Variants in CATSPERE observed in about 807,000 individuals in gnomAD.
CATSPERE encodes cation channel sperm-associated auxiliary subunit epsilon.
CATSPERE carries 93 observed loss-of-function variants against 114.1 expected under a neutral mutation model. The observed-to-expected ratio is 0.81, with a 90% confidence interval of 0.69 to 0.97. CATSPERE has a LOEUF of 0.97. Among genes scored for constraint, CATSPERE ranks in the 50% least tolerant of loss-of-function variants. CATSPERE has a pLI of 0.00. For missense variants in CATSPERE, 1,058 were observed against 1,131.6 expected, an observed-to-expected ratio of 0.93 and a Z score of 0.93; for synonymous variants, 341 against 384.1, an observed-to-expected ratio of 0.89 and a Z score of 1.31.
Position 244,625,430 on chromosome 1 carries a change from A to ATTTTTTTTTTTTTTTTTTTT in CATSPERE, c.2648+7745_2648+7746insTTTTTTTTTTTTTTTTTTTT, listed in dbSNP as rs1476267922. Among the ~76,000 whole-genome samples, 26 of 4,338 alleles carry ATTTTTTTTTTTTTTTTTTTT rather than the reference A, an allele frequency of 6.0e-3. 3 individuals carry two copies. Among genetic ancestry groups the ATTTTTTTTTTTTTTTTTTTT allele is most frequent in the Admixed American group, 0.012 (2 of 170 alleles). The allele number at this position is 4,338 out of a possible 152,430, so 2.8% of individuals were successfully genotyped here. ...TTTATATATATATATATATATATAT[A>ATTTTTTTTTTTTTTTTTTTT]TATTTTTTTTTTTTTTTGAGATGGA... is the stretch of plus-strand genomic sequence containing the variant. On this transcript the variant is annotated intron_variant, in intron 20 of 21. Transcript: ENST00000366534.
At chr1:244,622,172 T>C (rs1672478739) in intron 20 of CATSPERE, among the ~76,000 whole-genome samples, 1 of 152,128 alleles carries the variant, frequency 6.6e-6, no homozygotes, top group African/African-American at 2.4e-5. Flanking sequence ...ACCGTAAGGT[T>C]TTATGTAATA....
chr1:244,483,927 TTA>T (rs1008547210), intron 5 of CATSPERE, among the ~76,000 whole-genome samples: 1 of 152,164 alleles, frequency 6.6e-6, no homozygotes, highest in Non-Finnish European at 1.5e-5. Flanking sequence ...TCTAAAAGTT[TTA>T]TATGTTTTTT....
intron 13 of CATSPERE, among the ~76,000 whole-genome samples, chr1:244,585,695 G>GC (rs1239014255): frequency 2.6e-5 from 4 of 152,218 alleles, no homozygotes; most frequent in African/African-American, 9.6e-5. Context: ...GTGAAGTTAG[G>GC]CCCTTGCTAA....
Position 244,610,383 on chromosome 1 carries a change from G to A in CATSPERE, c.2490+57G>A, listed in dbSNP as rs760519943. On this transcript the variant is annotated intron_variant, in intron 19 of 21. Coordinates refer to ENST00000366534, the MANE Select transcript of CATSPERE (RefSeq NM_001130957.2). The stretch of plus-strand genomic sequence containing the variant: ...TTTGGAATAACTAATCTGGCATTTT[G>A]CTATTAACAAAAACTTGATGGAAAC... The A allele has an allele frequency of 3.2e-5, 41 of 1,296,940 alleles. No individual in the cohort carries two copies. In the Admixed American group the frequency reaches 7.0e-4, roughly 22 times the overall value. 80.3% of individuals were successfully genotyped at this position (1,296,940 alleles called of 1,614,324 possible).
intron 19 of CATSPERE, among the ~76,000 whole-genome samples, chr1:244,613,289 T>A (rs1450370075): frequency 6.6e-6 from 1 of 152,148 alleles, no homozygotes; most frequent in African/African-American, 2.4e-5. Flanking sequence ...CAAGTGGGGA[T>A]ACATCAAAAA....
intron 6 of CATSPERE, among the ~76,000 whole-genome samples, chr1:244,498,300 T>G (rs1673439155): frequency 6.6e-6 from 1 of 152,146 alleles, no homozygotes; most frequent in African/African-American, 2.4e-5. Context: ...AAATAATATA[T>G]CTATTGGTTA....
At chr1:244,554,434 G>T (rs999327274) in intron 9 of CATSPERE, among the ~76,000 whole-genome samples, 2 of 152,198 alleles carry the variant, frequency 1.3e-5, no homozygotes, top group Non-Finnish European at 2.9e-5. Flanking sequence ...GGAGGCCAAG[G>T]TGGGATGATT....
At chr1:244,576,089 C>T (rs925938019) in intron 11 of CATSPERE, among the ~76,000 whole-genome samples, 2 of 152,088 alleles carry the variant, frequency 1.3e-5, no homozygotes, top group African/African-American at 2.4e-5. Flanking sequence ...TTACCGGCTC[C>T]TCCAGTGTTT....
chr1:244,519,025 T>C (rs1039650445), intron 8 of CATSPERE, among the ~76,000 whole-genome samples: 4 of 149,898 alleles, frequency 2.7e-5, no homozygotes, highest in Non-Finnish European at 5.9e-5. Context: ...TACACACACA[T>C]ACACACACAC....
chr1:244,621,063 TATATATAAA>T (rs1672089761), intron 20 of CATSPERE, among the ~76,000 whole-genome samples: 1 of 53,984 alleles, frequency 1.9e-5, no homozygotes, highest in African/African-American at 7.7e-5. Flanking sequence ...TATATATAAA[TATATATAAA>T]ATATATATAT....
chr1:244,468,452 G>A (rs1437914947), intron 2 of CATSPERE, among the ~76,000 whole-genome samples: 1 of 151,954 alleles, frequency 6.6e-6, no homozygotes, highest in Non-Finnish European at 1.5e-5. Context: ...TTTTTATGTA[G>A]GTGGCAGAAA....
At chr1:244,601,958 G>T (rs1669301477) in intron 17 of CATSPERE, among the ~76,000 whole-genome samples, 2 of 151,354 alleles carry the variant, frequency 1.3e-5, no homozygotes, top group East Asian at 3.9e-4. Flanking sequence ...AAGGAAGGAA[G>T]GAGAGAGAAG....
At chr1:244,520,754 A>G (rs1677404594) in intron 8 of CATSPERE, among the ~76,000 whole-genome samples, 1 of 152,190 alleles carries the variant, frequency 6.6e-6, no homozygotes, top group Non-Finnish European at 1.5e-5. Flanking sequence ...GCCAAGCAGC[A>G]TTGTTCTGTG....
chr1:244,612,740 C>G (rs1251136669), intron 19 of CATSPERE, among the ~76,000 whole-genome samples: 1 of 152,148 alleles, frequency 6.6e-6, no homozygotes, highest in Admixed American at 6.6e-5. Context: ...CAGCTCACTG[C>G]AACCTCTGCC....
intron 10 of CATSPERE, among the ~76,000 whole-genome samples, chr1:244,565,108 G>A (rs1045062125): frequency 2.6e-5 from 4 of 152,110 alleles, no homozygotes; most frequent in Admixed American, 1.3e-4. Flanking sequence ...CGACTTGATC[G>A]TAGTGGATAA....
intron 1 of CATSPERE, among the ~76,000 whole-genome samples, chr1:244,463,000 T>G (rs1224266108): frequency 1.3e-5 from 2 of 152,206 alleles, no homozygotes; most frequent in Admixed American, 1.3e-4. Flanking sequence ...ACCAGCTACA[T>G]GTGCCTTTTG....
chr1:244,575,906 C>T lies in CATSPERE; in HGVS notation c.1950+3134C>T, dbSNP rs1468747586. Among the ~76,000 whole-genome samples the T allele has an allele frequency of 6.6e-6, 1 of 152,062 alleles. No homozygotes were observed. The highest frequency in any genetic ancestry group is 1.5e-5 in the Non-Finnish European group (1 of 67,998). ...GGGATTTTTCACCTCTTTTTAACCT[C>T]TAAGACACCCTAAGAAATACTTCAC... On this transcript the variant is annotated intron_variant, in intron 11 of 21. Coordinates refer to ENST00000366534, the MANE Select transcript of CATSPERE (RefSeq NM_001130957.2). This position sits in a 1 kb window ranked among gnomAD's most constrained non-coding sequence, Gnocchi z 4.5.
intron 15 of CATSPERE, among the ~76,000 whole-genome samples, 169 bp downstream of exon 15, chr1:244,591,900 T>C (rs1295950279): frequency 6.6e-6 from 1 of 152,146 alleles, no homozygotes; most frequent in Non-Finnish European, 1.5e-5. Flanking sequence ...TTAACTTTCC[T>C]GAAACATACA....
At chr1:244,473,603 A>C (rs1486974309) in intron 2 of CATSPERE, among the ~76,000 whole-genome samples, 1 of 151,950 alleles carries the variant, frequency 6.6e-6, no homozygotes, top group Non-Finnish European at 1.5e-5. Flanking sequence ...GAAGTTTTTA[A>C]TTTTAATGAA....
Sources: gnomAD v4.1 joint callset for allele counts (sites outside exome capture counted in the v4.1 genomes callset) on GRCh38, gnomAD v4.1.1 for gene constraint, Gnocchi (gnomAD v3.1) non-coding constraint, MANE v1.5 for transcripts, NCBI Gene and HGNC (gene_info 2026-07-23, HGNC 2026-07-21) for gene names.